AGK: variants seen among roughly 807,000 people sequenced by gnomAD.
AGK encodes the protein acylglycerol kinase, mitochondrial.
Under a neutral mutation model 66.4 loss-of-function variants are expected in AGK, and 52 were observed. That is an observed-to-expected ratio of 0.78 (90% confidence interval 0.63 to 0.99). AGK has a LOEUF of 0.99. Among genes scored for constraint, AGK ranks in the 50% least tolerant of loss-of-function variants. AGK has a pLI of 0.00. For synonymous variants in AGK, 182 were observed against 181.1 expected (o/e 1.00, Z -0.04); for missense variants, 451 against 506.6 (o/e 0.89, Z 1.05).
rs146844278 is a variant in AGK at position 141,575,457 on chromosome 7, T to A, written c.102-17689T>A. Among the ~76,000 whole-genome samples, 42 of 152,290 alleles carry A rather than the reference T, an allele frequency of 2.8e-4. No individual in the cohort carries two copies. The East Asian group carries it at 5.4e-3, about 20-fold the overall frequency. On this transcript the variant is annotated intron_variant, in intron 2 of 15. Transcript: ENST00000649286. ...CTTATAGAATTACATGTGCTCTGTG[T>A]GTGTGCCCAAATGAGAATTATTGCT...
chr7:141,604,374 G>GTGTATATATATATATATATATATATA (rs1554400830), intron 5 of AGK, among the ~76,000 whole-genome samples: 1 of 113,826 alleles, frequency 8.8e-6, no homozygotes, highest in South Asian at 2.9e-4. Flanking sequence ...GTGTGTGTGT[G>GTGTATATATATATATATATATATATA]TATATATATA....
At chr7:141,562,129 C>A (rs1318697175) in intron 2 of AGK, 3 of 455,328 alleles carry the variant, frequency 6.6e-6, no homozygotes, top group South Asian at 4.7e-5. Context: ...TGCTGGCTTT[C>A]TTGAATGCTG....
At chr7:141,578,669 G>C (rs1795809574) in intron 2 of AGK, among the ~76,000 whole-genome samples, 1 of 151,836 alleles carries the variant, frequency 6.6e-6, no homozygotes, top group Admixed American at 6.5e-5. Context: ...GTAGTAAGGG[G>C]TGACATTGTG....
At chr7:141,604,965 ATT>A (rs547865876) in intron 5 of AGK, among the ~76,000 whole-genome samples, 1 of 145,206 alleles carries the variant, frequency 6.9e-6, no homozygotes. Context: ...AAATTCCTCA[ATT>A]TTTTTTTTTT....
intron 2 of AGK, among the ~76,000 whole-genome samples, chr7:141,591,082 GTTTTTTTTTTTTTTT>G (rs60762855): frequency 1.1e-4 from 7 of 61,094 alleles, no homozygotes; most frequent in Admixed American, 9.3e-4. Context: ...TTCTTAAGTT[GTTTTTTTTTTTTTTT>G]TTTTTTTTTT....
chr7:141,609,961 G>GT lies in AGK; in HGVS notation c.298-1225dup, dbSNP rs1016385954. 2.1e-4 allele frequency among the ~76,000 whole-genome samples: 32 copies of GT among 149,892 alleles called. No homozygotes were observed. In the East Asian group the frequency reaches 3.1e-3, roughly 15 times the overall value. ...TGTATATATATGTACGTATGTATGGGTTTTTTTTTGTTTTTTTTTTTTCCT... is the reference window on the plus strand; with the variant it reads ...TGTATATATATGTACGTATGTATGGGTTTTTTTTTTGTTTTTTTTTTTTCCT... On this transcript the variant is annotated intron_variant, in intron 5 of 15. Coordinates refer to ENST00000649286, the MANE Select transcript of AGK (RefSeq NM_018238.4).
chr7:141,639,184 G>C (rs1797234588), intron 11 of AGK, among the ~76,000 whole-genome samples: 1 of 152,162 alleles, frequency 6.6e-6, no homozygotes, highest in Non-Finnish European at 1.5e-5. Flanking sequence ...GCCTCCAAAA[G>C]CTGGGCAGCC....
At chr7:141,636,890 A>G (rs1797183015) in intron 10 of AGK, 70 bp from the exon 11 acceptor site, 4 of 1,295,704 alleles carry the variant, frequency 3.1e-6, no homozygotes, top group Non-Finnish European at 4.4e-6. Context: ...ATTGTCTGCC[A>G]TGAATGGTAT....
At chr7:141,567,228 GTCA>G (rs1423456837) in intron 2 of AGK, among the ~76,000 whole-genome samples, 1 of 152,048 alleles carries the variant, frequency 6.6e-6, no homozygotes, top group Non-Finnish European at 1.5e-5. Context: ...GGATTTTGGA[GTCA>G]TCATATTTTT....
chr7:141,641,865 T>C lies in AGK; in HGVS notation c.932T>C (p.Ile311Thr), dbSNP rs1324100409. 9.5e-6 allele frequency: 15 copies of C among 1,586,810 alleles called. No homozygotes were observed. Among genetic ancestry groups the C allele is most frequent in the Non-Finnish European group, 1.3e-5 (15 of 1,166,020 alleles). Reference sequence around the variant, plus strand: ...TGGAAAGATGTGCAGCTGTCCACCATTGAACTGTCCATCACAACACGGAAT... The same window carrying C: ...TGGAAAGATGTGCAGCTGTCCACCACTGAACTGTCCATCACAACACGGAAT... Reference protein sequence around the residue: ...EVWKDVQLSTIELSITTRNNQ... With the variant: ...EVWKDVQLSTTELSITTRNNQ... Residue 311 changes from isoleucine to threonine, a missense_variant, in exon 13 of 16, where the codon ATT (isoleucine) becomes ACT (threonine). Ile to Thr is a moderately conservative substitution (Grantham distance 89, BLOSUM62 -1). Coordinates refer to ENST00000649286, the MANE Select transcript of AGK (RefSeq NM_018238.4).
chr7:141,594,384 A>G (rs1268584959), intron 3 of AGK, among the ~76,000 whole-genome samples: 1 of 151,896 alleles, frequency 6.6e-6, no homozygotes, highest in African/African-American at 2.4e-5. Context: ...TAGTAGAGAT[A>G]GGGGTTCTCC....
intron 13 of AGK, among the ~76,000 whole-genome samples, chr7:141,644,197 C>T (rs1009556334): frequency 2.0e-5 from 3 of 151,790 alleles, no homozygotes; most frequent in Admixed American, 6.6e-5. Context: ...ATATGTATTC[C>T]GAGTATTTTA....
rs148291658 is a variant in AGK, at chr7:141,581,458, G to C, written c.102-11688G>C. Reference sequence around the variant, plus strand: ...ACCTATAATGCTTGTCTGGTTTTTGGACAGGTAAAATGGGGGAATTGTAAG... The same window carrying C: ...ACCTATAATGCTTGTCTGGTTTTTGCACAGGTAAAATGGGGGAATTGTAAG... On this transcript the variant is annotated intron_variant, in intron 2 of 15. Transcript: ENST00000649286. Among the ~76,000 whole-genome samples, 210 of 152,014 alleles carry C rather than the reference G, an allele frequency of 1.4e-3. 6 individuals carry two copies. The highest frequency in any genetic ancestry group is 4.9e-3 in the African/African-American group (202 of 41,296).
chr7:141,644,716 T>A (rs972146823), intron 13 of AGK, among the ~76,000 whole-genome samples: 1 of 152,152 alleles, frequency 6.6e-6, no homozygotes, highest in African/African-American at 2.4e-5. Context: ...GCAACATAGT[T>A]CCATTTTTCT....
In AGK at chr7:141,555,131, CCT is replaced by C. The variant is rs1289849183; in HGVS notation, c.-14-317_-14-316del. Among the ~76,000 whole-genome samples, 3 of 152,184 alleles carry C rather than the reference CCT, an allele frequency of 2.0e-5. No individual in the cohort carries two copies. Among genetic ancestry groups the C allele is most frequent in the African/African-American group, 7.2e-5 (3 of 41,430 alleles). ...ACCAGAGGAAGCCTGGAATTCCCTT[CCT>C]CTCTTTCTGCCCCTCCCTCTTCCTT... On this transcript the variant is annotated intron_variant, in intron 1 of 15. Transcript: ENST00000649286. The surrounding 1 kb of genome is among the most constrained non-coding windows in gnomAD (Gnocchi z 4.2).
chr7:141,575,321 C>A (rs1795711382), intron 2 of AGK, among the ~76,000 whole-genome samples: 1 of 152,180 alleles, frequency 6.6e-6, no homozygotes, highest in Non-Finnish European at 1.5e-5. Context: ...ATCACCAGGC[C>A]AGATGCTTTT....
chr7:141,570,454 A>G (rs942475385), intron 2 of AGK, among the ~76,000 whole-genome samples: 4 of 152,234 alleles, frequency 2.6e-5, no homozygotes, highest in African/African-American at 9.6e-5. Flanking sequence ...TTCGAGGGGT[A>G]CAAAGTACAT....
chr7:141,567,221 T>C (rs1795491198), intron 2 of AGK, among the ~76,000 whole-genome samples: 1 of 152,150 alleles, frequency 6.6e-6, no homozygotes, highest in Non-Finnish European at 1.5e-5. Context: ...GATATATGGA[T>C]TTTGGAGTCA....
rs551387864 is a variant in AGK at position 141,572,181 on chromosome 7, A to G, written c.101+16614A>G. On this transcript the variant is annotated intron_variant, in intron 2 of 15. Coordinates refer to ENST00000649286, the MANE Select transcript of AGK (RefSeq NM_018238.4). ...ACAGTGAAAATTTTTAAGGGAAGAG[A>G]ATGTCATGAACAAAGTAGCATTCAA... Among the ~76,000 whole-genome samples the G allele has an allele frequency of 2.6e-5, 4 of 152,338 alleles. No individual in the cohort carries two copies. The East Asian group carries it at 5.8e-4, about 22-fold the overall frequency.
Sources: allele counts gnomAD v4.1 joint callset (sites outside exome capture counted in the v4.1 genomes callset), GRCh38; gene constraint gnomAD v4.1.1; non-coding constraint Gnocchi (gnomAD v3.1); transcripts MANE v1.5; gene names NCBI Gene and HGNC (gene_info 2026-07-23, HGNC 2026-07-21).